XKR6: variants seen among roughly 807,000 people sequenced by gnomAD.
The protein encoded by XKR6 is XK-related protein 6.
In XKR6, 22 loss-of-function variants were observed where a neutral mutation model predicts 56.7. The observed-to-expected ratio is 0.39, with a 90% confidence interval of 0.28 to 0.55. XKR6 has a LOEUF of 0.55. Ranked by LOEUF, XKR6 falls within the 20% of genes least tolerant of loss-of-function variation. The pLI, the probability that XKR6 is intolerant of heterozygous loss-of-function variation, is 0.66. For synonymous variants in XKR6, 524 were observed against 387.8 expected (o/e 1.35, Z -4.13); for missense variants, 852 against 889.0 (o/e 0.96, Z 0.53).
intron 1 of XKR6, among the ~76,000 whole-genome samples, chr8:11,130,803 T>G (rs913919356): frequency 6.6e-6 from 1 of 151,974 alleles, no homozygotes; most frequent in African/African-American, 2.4e-5. Context: ...GACCCACATA[T>G]GTGCACACCT....
chr8:11,199,712 G>T (rs2117168983), intron 1 of XKR6, among the ~76,000 whole-genome samples: 1 of 152,322 alleles, frequency 6.6e-6, no homozygotes, highest in East Asian at 1.9e-4. Context: ...ACACCTGCAA[G>T]TGGTTTGTGA....
At chr8:10,921,602 G>T (rs571417110) in intron 2 of XKR6, among the ~76,000 whole-genome samples, 6 of 152,186 alleles carry the variant, frequency 3.9e-5, no homozygotes, top group Admixed American at 6.5e-5. Context: ...GAGAAAACGG[G>T]ATTGTGAAAA....
intron 1 of XKR6, among the ~76,000 whole-genome samples, chr8:11,092,103 G>C (rs1015552327): frequency 1.2e-4 from 19 of 152,258 alleles, no homozygotes; most frequent in Middle Eastern, 3.4e-3. Context: ...GATAAACAAA[G>C]AGTATAAATA....
chr8:11,197,874 C>G (rs1159391667), intron 1 of XKR6, among the ~76,000 whole-genome samples: 1 of 151,978 alleles, frequency 6.6e-6, no homozygotes, highest in Non-Finnish European at 1.5e-5. Flanking sequence ...CGGTGTTGTG[C>G]TCTGTCCAAG....
At chr8:11,081,668 G>A (rs1426365873) in intron 1 of XKR6, among the ~76,000 whole-genome samples, 1 of 152,150 alleles carries the variant, frequency 6.6e-6, no homozygotes, top group Non-Finnish European at 1.5e-5. Flanking sequence ...TCCAAGTTCT[G>A]ATCATCAAGT....
Position 10,960,781 on chromosome 8 carries a change from C to T in XKR6, c.765-35951G>A, listed in dbSNP as rs558395602. Among the ~76,000 whole-genome samples, 99 of 152,310 alleles carry T rather than the reference C, an allele frequency of 6.5e-4. 1 individual carries two copies. The South Asian group carries it at 0.02, about 30-fold the overall frequency. ...CCTCTCACTCCCTCATCTAATCACC[C>T]TTTCACTCCTGCAGCACACACAGCG... is the stretch of plus-strand genomic sequence containing the variant. On this transcript the variant is annotated intron_variant, in intron 1 of 2. Coordinates refer to ENST00000416569, the MANE Select transcript of XKR6 (RefSeq NM_173683.4).
chr8:10,997,818 G>A (rs962585806), intron 1 of XKR6, among the ~76,000 whole-genome samples: 1 of 152,194 alleles, frequency 6.6e-6, no homozygotes, highest in African/African-American at 2.4e-5. Flanking sequence ...ACGTTCACAA[G>A]CAGCGCTGCC....
intron 1 of XKR6, among the ~76,000 whole-genome samples, chr8:11,011,862 G>C (rs1422635888): frequency 6.6e-6 from 1 of 152,224 alleles, no homozygotes; most frequent in Admixed American, 6.5e-5. Flanking sequence ...CATGGCACTG[G>C]GGAGGGGGAT....
At chr8:10,927,938 A>G (rs1299450586) in intron 1 of XKR6, among the ~76,000 whole-genome samples, 1 of 152,192 alleles carries the variant, frequency 6.6e-6, no homozygotes, top group African/African-American at 2.4e-5. Flanking sequence ...CTGGGACTGT[A>G]GTAGGGACTG....
At chr8:11,176,563 C>A (rs77987625) in intron 1 of XKR6, among the ~76,000 whole-genome samples, 2,071 of 152,140 alleles carry the variant, frequency 0.014, 68 homozygotes, top group African/African-American at 0.048. Flanking sequence ...ACATCAAATT[C>A]TTTTCCTAAA....
At chr8:11,052,587 C>A (rs939829577) in intron 1 of XKR6, among the ~76,000 whole-genome samples, 1 of 152,104 alleles carries the variant, frequency 6.6e-6, no homozygotes, top group Non-Finnish European at 1.5e-5. Flanking sequence ...CGTTCCTGGA[C>A]GTGAGGCTTT....
At chr8:11,080,461 T>C (rs1418292620) in intron 1 of XKR6, among the ~76,000 whole-genome samples, 1 of 152,190 alleles carries the variant, frequency 6.6e-6, no homozygotes, top group Non-Finnish European at 1.5e-5. Context: ...ATTGTAGAAA[T>C]TTAACTATTT....
intron 1 of XKR6, among the ~76,000 whole-genome samples, chr8:11,016,744 C>G (rs1798633727): frequency 6.6e-6 from 1 of 152,186 alleles, no homozygotes; most frequent in Non-Finnish European, 1.5e-5. Context: ...CGCTTGCTCC[C>G]CAACCCCTCC....
chr8:11,197,190 A>C (rs1464119415), intron 1 of XKR6, among the ~76,000 whole-genome samples: 6 of 152,252 alleles, frequency 3.9e-5, no homozygotes, highest in Non-Finnish European at 7.3e-5. Context: ...TAAACAAGTT[A>C]AGTAAATTCC....
intron 1 of XKR6, among the ~76,000 whole-genome samples, chr8:11,066,024 C>G (rs894586892): frequency 2.6e-5 from 4 of 152,206 alleles, no homozygotes; most frequent in African/African-American, 4.8e-5. Flanking sequence ...TCTCTGAAGT[C>G]CCTGCCATCT....
chr8:10,985,184 A>G (rs1415378905), intron 1 of XKR6, among the ~76,000 whole-genome samples: 2 of 152,098 alleles, frequency 1.3e-5, no homozygotes, highest in Non-Finnish European at 2.9e-5. Flanking sequence ...CTTGAATTGT[A>G]GCTCCCATAA....
At chr8:11,171,431 G>A (rs1802362659) in intron 1 of XKR6, among the ~76,000 whole-genome samples, 1 of 152,206 alleles carries the variant, frequency 6.6e-6, no homozygotes, top group Non-Finnish European at 1.5e-5. Flanking sequence ...CAAATCTCAT[G>A]TTGAAATTTC....
intron 1 of XKR6, among the ~76,000 whole-genome samples, chr8:11,154,062 C>A (rs1297054408): frequency 1.5e-4 from 23 of 152,184 alleles, no homozygotes; most frequent in Admixed American, 1.5e-3. Context: ...GAAGAGACAT[C>A]TGGCCTTTGC....
chr8:10,943,234 A>T (rs1486998299), intron 1 of XKR6, among the ~76,000 whole-genome samples: 1 of 152,236 alleles, frequency 6.6e-6, no homozygotes, highest in East Asian at 1.9e-4. Context: ...GAGTTGTCAC[A>T]GACAGGACAG....
Sources: gnomAD v4.1 joint callset for allele counts (sites outside exome capture counted in the v4.1 genomes callset) on GRCh38, gnomAD v4.1.1 for gene constraint, MANE v1.5 for transcripts, NCBI Gene and HGNC (gene_info 2026-07-23, HGNC 2026-07-21) for gene names.